The following TYW1B variants were observed in gnomAD, a reference collection of about 807,000 sequenced individuals.
TYW1B encodes the protein tRNA-yW synthesizing protein 1 homolog B, also known as S-adenosyl-L-methionine-dependent tRNA 4-demethylwyosine synthase TYW1B.
In TYW1B, 73 loss-of-function variants were observed where a neutral mutation model predicts 86.9. The observed-to-expected ratio is 0.84, with a 90% CI of 0.70 to 1.02. The LOEUF (loss-of-function observed/expected upper bound fraction) is 1.02, where lower values mean the gene tolerates loss of function less well. Ranked by LOEUF, TYW1B falls within the 50% of genes least tolerant of loss-of-function variation. The pLI is 0.00. For synonymous variants in TYW1B, 248 were observed against 292.8 expected (o/e 0.85, Z 1.56); for missense variants, 637 against 827.4 (o/e 0.77, Z 2.82).
rs1244358288 is a variant in TYW1B at position 72,749,920 on chromosome 7, T to TG, written c.965-5320_965-5319insC. 3.5e-3 allele frequency among the ~76,000 whole-genome samples: 518 copies of TG among 149,400 alleles called. 8 individuals carry two copies. Among genetic ancestry groups the TG allele is most frequent in the South Asian group, 8.4e-3 (40 of 4,748 alleles). On this transcript the variant is annotated intron_variant, in intron 7 of 13. Transcript: ENST00000620995. ...CTATGTTGGTTTTTTTTGTTTTTTT[T>TG]TTTTTTTTGAGACAAGGTCTCACTT... is the stretch of plus-strand genomic sequence containing the variant.
intron 11 of TYW1B, among the ~76,000 whole-genome samples, chr7:72,692,154 CA>C (rs1554450410): frequency 2.2e-5 from 3 of 136,926 alleles, no homozygotes; most frequent in African/African-American, 8.4e-5. Flanking sequence ...TGCAGTGAGC[CA>C]AGATCACGCC....
chr7:72,704,036 G>A (rs1185702188), intron 10 of TYW1B, among the ~76,000 whole-genome samples: 5 of 152,070 alleles, frequency 3.3e-5, no homozygotes, highest in South Asian at 2.1e-4. Context: ...TGTTCCTCCC[G>A]CTTTGTAGTC....
intron 13 of TYW1B, among the ~76,000 whole-genome samples, chr7:72,605,799 A>G (rs1811780958): frequency 6.6e-6 from 1 of 152,222 alleles, no homozygotes. Flanking sequence ...AACAGCAGCC[A>G]TACAACCTTA....
chr7:72,810,392 T>TGTGTACGTGTGTGCACG, intron 4 of TYW1B, 79 bp downstream of exon 4: 2 of 113,204 alleles, frequency 1.8e-5, no homozygotes, highest in Admixed American at 1.4e-4. Context: ...GCACGTGTGT[T>TGTGTACGTGTGTGCACG]TGTGTGTGTG....
At chr7:72,824,923 C>A (rs1265314140) in intron 2 of TYW1B, among the ~76,000 whole-genome samples, 1 of 151,374 alleles carries the variant, frequency 6.6e-6, no homozygotes, top group African/African-American at 2.4e-5. Context: ...GGCAACATGG[C>A]AAAACCCCAT....
chr7:72,773,695 G>A (rs1160080470), intron 7 of TYW1B, among the ~76,000 whole-genome samples: 1 of 152,104 alleles, frequency 6.6e-6, no homozygotes, highest in Non-Finnish European at 1.5e-5. Context: ...CCCAAGGATG[G>A]GAAAGAACCA....
At chr7:72,792,199 C>T (rs1453139894) in intron 6 of TYW1B, among the ~76,000 whole-genome samples, 1 of 151,878 alleles carries the variant, frequency 6.6e-6, no homozygotes, top group Non-Finnish European at 1.5e-5. Context: ...TGGTGGCATG[C>T]ACCTGTAATC....
intron 11 of TYW1B, among the ~76,000 whole-genome samples, chr7:72,643,319 G>C (rs1326017093): frequency 1.3e-5 from 2 of 152,196 alleles, no homozygotes; most frequent in Non-Finnish European, 2.9e-5. Flanking sequence ...CGGCCACAGT[G>C]CTCACGGCTG....
intron 12 of TYW1B, among the ~76,000 whole-genome samples, chr7:72,618,029 C>G (rs1812118784): frequency 6.6e-6 from 1 of 152,008 alleles, no homozygotes; most frequent in South Asian, 2.1e-4. Context: ...ACAAATCAAA[C>G]TTTTCTCAAC....
Position 72,575,651 on chromosome 7 carries a change from A to G in TYW1B, c.1854T>C (p.Tyr618=), listed in dbSNP as rs1363428891. 16 of 1,613,490 alleles carry G rather than the reference A, an allele frequency of 9.9e-6. No individual in the cohort carries two copies. The highest frequency in any genetic ancestry group is 3.3e-5 in the South Asian group (3 of 91,066). The part of the protein sequence containing the change: ...YNRFQELIQE[Y]EDSGGSKTFS... ...ACGTTTTTGATCCACCACTATCTTC[A>G]TATTCCTGGATGAGCTCCTGGAAGC... is the stretch of plus-strand genomic sequence containing the variant. Residue 618 remains tyrosine (Y), a synonymous_variant, in exon 14 of 14, where the codon TAT becomes TAC. Coordinates refer to ENST00000620995, the MANE Select transcript of TYW1B (RefSeq NM_001145440.3).
intron 11 of TYW1B, among the ~76,000 whole-genome samples, chr7:72,679,541 G>A (rs1324229424): frequency 1.3e-5 from 2 of 152,120 alleles, no homozygotes; most frequent in Non-Finnish European, 2.9e-5. Flanking sequence ...AAATGAGGGA[G>A]GCTACTATTT....
chr7:72,791,943 C>G (rs528808051), intron 6 of TYW1B, among the ~76,000 whole-genome samples: 1 of 152,068 alleles, frequency 6.6e-6, no homozygotes, highest in African/African-American at 2.4e-5. Flanking sequence ...GTCTAAGGAC[C>G]GCAACAAATC....
At chr7:72,823,459 A>C (rs1425508697) in intron 2 of TYW1B, among the ~76,000 whole-genome samples, 1 of 151,972 alleles carries the variant, frequency 6.6e-6, no homozygotes, top group African/African-American at 2.4e-5. Flanking sequence ...ATCTCTTCTA[A>C]AAATACAAAA....
intron 10 of TYW1B, among the ~76,000 whole-genome samples, chr7:72,710,573 C>A (rs1554454520): frequency 6.6e-6 from 1 of 152,092 alleles, no homozygotes; most frequent in East Asian, 1.9e-4. Flanking sequence ...CGCCTGTAAT[C>A]CCAGCACTTT....
chr7:72,745,613 GGGA>G (rs1554463655), intron 7 of TYW1B, among the ~76,000 whole-genome samples: 1 of 152,012 alleles, frequency 6.6e-6, no homozygotes, highest in East Asian at 1.9e-4. Context: ...AGTGAAGCCT[GGGA>G]GGAGGTTATG....
intron 9 of TYW1B, among the ~76,000 whole-genome samples, chr7:72,727,380 G>A: frequency 6.6e-6 from 1 of 152,164 alleles, no homozygotes; most frequent in Non-Finnish European, 1.5e-5. Context: ...GGTAGGTAGA[G>A]ACCAGAGCAT....
At chr7:72,589,296 A>C (rs1435901752) in intron 13 of TYW1B, among the ~76,000 whole-genome samples, 1 of 152,222 alleles carries the variant, frequency 6.6e-6, no homozygotes, top group Non-Finnish European at 1.5e-5. Flanking sequence ...AAGGAATGAC[A>C]CCAGACATTT....
In TYW1B at chr7:72,722,891, T is replaced by C. The variant is rs529434983; in HGVS notation, c.1192+5931A>G. ...TAAATAATTAATGAGCATTCCTGTC[T>C]CAAGGCCACACCTTCCACCTGCAGT... On this transcript the variant is annotated intron_variant, in intron 9 of 13. Transcript: ENST00000620995. 9.0e-5 allele frequency: 62 copies of C among 690,744 alleles called. 2 individuals carry two copies. In the Admixed American group the frequency reaches 9.7e-4, roughly 11 times the overall value. The allele number at this position is 690,744 out of a possible 1,614,324, so 42.8% of individuals were successfully genotyped here.
chr7:72,615,121 G>A (rs1276919147), intron 13 of TYW1B, among the ~76,000 whole-genome samples: 2 of 152,210 alleles, frequency 1.3e-5, no homozygotes, highest in Non-Finnish European at 2.9e-5. Context: ...ACAGCCTGGT[G>A]TCCAGAACTC....
Sources: gnomAD v4.1 joint callset for allele counts (sites outside exome capture counted in the v4.1 genomes callset) on GRCh38, gnomAD v4.1.1 for gene constraint, MANE v1.5 for transcripts, NCBI Gene and HGNC (gene_info 2026-07-23, HGNC 2026-07-21) for gene names.